The following PDE6A variants were observed in gnomAD, a reference collection of about 807,000 sequenced individuals.
PDE6A encodes the protein phosphodiesterase 6A, also known as rod cGMP-specific 3',5'-cyclic phosphodiesterase subunit alpha.
PDE6A carries 84 observed loss-of-function variants against 106.3 expected under a neutral mutation model. The observed-to-expected ratio is 0.79, with a 90% confidence interval of 0.66 to 0.95. PDE6A has a LOEUF of 0.95. Ranked by LOEUF, PDE6A falls within the 40% of genes least tolerant of loss-of-function variation. PDE6A has a pLI of 0.00. For synonymous variants in PDE6A, 394 were observed against 386.6 expected, an observed-to-expected ratio of 1.02 and a Z score of -0.23; for missense variants, 1,052 against 1,084.9, an observed-to-expected ratio of 0.97 and a Z score of 0.43.
chr5:149,884,823 T>C lies in PDE6A; in HGVS notation c.1883A>G (p.Glu628Gly). 6.2e-7 allele frequency: 1 copy of C among 1,614,140 alleles called. No individual in the cohort carries two copies. Among genetic ancestry groups the C allele is most frequent in the Non-Finnish European group, 8.5e-7 (1 of 1,180,018 alleles). ...LAKLHGSSIL[E>G]RHHLEFGKTL... ...TTTGCCAAACTCCAAGTGGTGTCTT[T>C]CCAAGATAGAGGACCCATGGAGCTT... The change falls in exon 15 of 22, where the codon GAA (glutamate) becomes GGA (glycine). Residue 628 changes from glutamate to glycine, a missense_variant. Transcript: ENST00000255266.
At chr5:149,889,123 T>C (rs1752445684) in intron 13 of PDE6A, among the ~76,000 whole-genome samples, 1 of 143,454 alleles carries the variant, frequency 7.0e-6, no homozygotes, top group South Asian at 2.2e-4. Context: ...TGTTTGAAGT[T>C]TTTCTAAAAT....
At chr5:149,868,369 T>C (rs374672225) in intron 17 of PDE6A, among the ~76,000 whole-genome samples, 36 of 152,334 alleles carry the variant, frequency 2.4e-4, no homozygotes, top group African/African-American at 7.5e-4. Context: ...GGTTGGACAC[T>C]GGGCAACTAC....
At position 149,895,203 on chromosome 5, in the gene PDE6A, T is replaced by C. The variant is rs1348047863; in HGVS notation, c.1708A>G (p.Thr570Ala). Residue 570 changes from threonine to alanine, a missense_variant, in exon 13 of 22, where the codon ACC becomes GCC. Thr to Ala is a moderately conservative substitution (Grantham distance 58, BLOSUM62 0). Around this residue, in one of 3 missense-constraint regions of PDE6A, gnomAD observed 913 missense variants for 915.2 expected, o/e 1.00. Coordinates refer to ENST00000255266, the MANE Select transcript of PDE6A (RefSeq NM_000440.3). ...NWRHGFNVGQ[T>A]MFSLLVTGKL... ...CATACCACCAGCAGGGAGAACATGG[T>C]CTGCCCCACGTTGAAGCCGTGCCGC... is the stretch of plus-strand genomic sequence containing the variant. 4 of 1,613,518 alleles carry C rather than the reference T, an allele frequency of 2.5e-6. No individual in the cohort carries two copies. Among genetic ancestry groups the C allele is most frequent in the African/African-American group, 1.3e-5 (1 of 75,044 alleles).
chr5:149,935,640 C>A (rs1247635757), intron 1 of PDE6A, among the ~76,000 whole-genome samples: 1 of 152,166 alleles, frequency 6.6e-6, no homozygotes, highest in Non-Finnish European at 1.5e-5. Context: ...CCCAGAGAAG[C>A]CATTATAGGC....
intron 7 of PDE6A, among the ~76,000 whole-genome samples, chr5:149,906,912 C>T (rs533541988): frequency 6.6e-6 from 1 of 152,220 alleles, no homozygotes; most frequent in East Asian, 1.9e-4. Context: ...GCTGGGATTA[C>T]AGGCGCCTGC....
intron 4 of PDE6A, among the ~76,000 whole-genome samples, chr5:149,928,208 G>GATATATATATATATATATATATATAT (rs1228867964): frequency 6.9e-5 from 4 of 57,732 alleles, no homozygotes; most frequent in African/African-American, 2.8e-4. Context: ...AATTGTATGT[G>GATATATATATATATATATATATATAT]CTATATATAT....
intron 17 of PDE6A, among the ~76,000 whole-genome samples, chr5:149,875,359 G>A (rs550000324): frequency 1.1e-4 from 16 of 152,116 alleles, no homozygotes; most frequent in East Asian, 5.8e-4. Context: ...AATATTTTTC[G>A]TTAAATCCCT....
At position 149,877,026 on chromosome 5, in the gene PDE6A, A is replaced by G. The variant is rs559762025; in HGVS notation, c.2135+6403T>C. ...AAAAAAGAAAGAAAAAAAATTGTAA[A>G]GACAGATGATAGAAAGAAGACAGTG... On this transcript the variant is annotated intron_variant, in intron 17 of 21. Transcript: ENST00000255266. Among the ~76,000 whole-genome samples the G allele has an allele frequency of 1.0e-3, 159 of 152,332 alleles. No individual in the cohort carries two copies. The South Asian group carries it at 0.031, about 30-fold the overall frequency.
intron 21 of PDE6A, among the ~76,000 whole-genome samples, chr5:149,861,704 CCA>C (rs995882968): frequency 5.3e-5 from 8 of 151,910 alleles, no homozygotes; most frequent in African/African-American, 1.9e-4. Context: ...CTTAAATATT[CCA>C]ATTTTAAAAT....
chr5:149,933,977 C>A lies in PDE6A; in HGVS notation c.670G>T (p.Val224Leu). 1 of 1,613,848 alleles carries A rather than the reference C, an allele frequency of 6.2e-7. No individual in the cohort carries two copies. Among genetic ancestry groups the A allele is most frequent in the Non-Finnish European group, 8.5e-7 (1 of 1,179,762 alleles). ...TTGTGCAGGTAACTCAGGTGGTACA[C>A]CTTCATGATTAGATTTGCAAAATTG... ...YLNFANLIMK[V>L]YHLSYLHNCE... The change falls in exon 3 of 22, where the codon GTG (valine) becomes TTG (leucine). Residue 224 changes from valine (V) to leucine (L), a missense_variant. Physicochemically the swap from Val to Leu is conservative, Grantham distance 32. Coordinates refer to ENST00000255266, the MANE Select transcript of PDE6A (RefSeq NM_000440.3).
chr5:149,871,084 T>A (rs1333585126), intron 17 of PDE6A, among the ~76,000 whole-genome samples: 1 of 152,164 alleles, frequency 6.6e-6, no homozygotes, highest in Non-Finnish European at 1.5e-5. Context: ...AATGTTTGTC[T>A]CTTCCCAGTC....
chr5:149,898,777 T>C (rs530566779), intron 9 of PDE6A, among the ~76,000 whole-genome samples: 1 of 152,346 alleles, frequency 6.6e-6, no homozygotes, highest in African/African-American at 2.4e-5. Context: ...TATGTGGGGA[T>C]AGGGGATATC....
In PDE6A at chr5:149,931,072, A is replaced by G; in HGVS notation, c.814T>C (p.Cys272Arg). 1 of 1,614,132 alleles carries G rather than the reference A, an allele frequency of 6.2e-7. No individual in the cohort carries two copies. Among genetic ancestry groups the G allele is most frequent in the Non-Finnish European group, 8.5e-7 (1 of 1,179,968 alleles). Reference sequence around the variant, plus strand: ...AAGAGACCCACAGAGTATCTGTCACAGTTGAGGAAAGCACGGACTGTGTAC... The same window carrying G: ...AAGAGACCCACAGAGTATCTGTCACGGTTGAGGAAAGCACGGACTGTGTAC... ...ALYTVRAFLN[C>R]DRYSVGLLDM... Residue 272 changes from cysteine (C) to arginine (R), a missense_variant, in exon 4 of 22, where the codon TGT becomes CGT. By Grantham distance (180) the Cys-to-Arg change is radical (BLOSUM62 -3). Coordinates refer to ENST00000255266, the MANE Select transcript of PDE6A (RefSeq NM_000440.3).
chr5:149,863,866 C>CT lies in PDE6A; in HGVS notation c.2359-601dup, dbSNP rs1760232802. 6.6e-6 allele frequency among the ~76,000 whole-genome samples: 1 copy of CT among 152,166 alleles called. No homozygotes were observed. The highest frequency in any genetic ancestry group is 1.5e-5 in the Non-Finnish European group (1 of 68,022). On this transcript the variant is annotated intron_variant, in intron 20 of 21. Transcript: ENST00000255266. The surrounding 1 kb of genome is among the most constrained non-coding windows in gnomAD (Gnocchi z 4.7). ...CTCAAGCTCCTGGCCTCAAGTGATT[C>CT]TTCTGCCTTGGCTTCTCAAAGTGCT... is the stretch of plus-strand genomic sequence containing the variant.
At chr5:149,868,049 C>T in intron 18 of PDE6A, 46 bp downstream of exon 18, 2 of 1,574,880 alleles carry the variant, frequency 1.3e-6, no homozygotes, top group East Asian at 2.2e-5. Context: ...ACCTGATGCC[C>T]CCAGTACTGG....
At chr5:149,931,958 CTTTTA>C (rs1318021764) in intron 3 of PDE6A, 1 of 1,193,124 alleles carries the variant, frequency 8.4e-7, no homozygotes. Flanking sequence ...GTTTGCAAAT[CTTTTA>C]TATTTCCAGC....
chr5:149,879,838 C>T lies in PDE6A; in HGVS notation c.2135+3591G>A, dbSNP rs568980523. 1.3e-4 allele frequency among the ~76,000 whole-genome samples: 20 copies of T among 152,000 alleles called. No homozygotes were observed. The South Asian group carries it at 1.5e-3, about 11-fold the overall frequency. On this transcript the variant is annotated intron_variant, in intron 17 of 21. Coordinates refer to ENST00000255266, the MANE Select transcript of PDE6A (RefSeq NM_000440.3). ...TTCTTCCATGCTTTTTTCGTGCTCTCTTTTCTTTCCCTGGTTATTTAAAAA... is the reference window on the plus strand; with the variant it reads ...TTCTTCCATGCTTTTTTCGTGCTCTTTTTTCTTTCCCTGGTTATTTAAAAA...
At chr5:149,873,480 C>T (rs756962458) in intron 17 of PDE6A, among the ~76,000 whole-genome samples, 1 of 151,982 alleles carries the variant, frequency 6.6e-6, no homozygotes, top group Non-Finnish European at 1.5e-5. Context: ...TACAGGTGTG[C>T]GTCACCACGC....
intron 4 of PDE6A, among the ~76,000 whole-genome samples, chr5:149,923,505 TAAC>T (rs1462432185): frequency 2.4e-3 from 7 of 2,950 alleles, no homozygotes; most frequent in Admixed American, 0.02. Context: ...CTCAAATAAA[TAAC>T]ATAACATAAC....
Sources: gnomAD v4.1 joint callset for allele counts (sites outside exome capture counted in the v4.1 genomes callset) on GRCh38, gnomAD v4.1.1 for gene constraint, gnomAD v4.1.1 regional missense constraint, Gnocchi (gnomAD v3.1) non-coding constraint, MANE v1.5 for transcripts, NCBI Gene and HGNC (gene_info 2026-07-23, HGNC 2026-07-21) for gene names.